NARS1: variants seen among roughly 807,000 people sequenced by gnomAD.
NARS1 encodes asparagine--tRNA ligase, cytoplasmic.
A neutral mutation model predicts 79.2 loss-of-function variants in NARS1; 65 were observed. The ratio of observed to expected loss-of-function variants is 0.82; its 90% CI spans 0.67 to 1.01. NARS1 has a LOEUF of 1.01. Ranked by LOEUF, NARS1 falls within the 50% of genes least tolerant of loss-of-function variation. NARS1 has a pLI of 0.00. For synonymous variants in NARS1, 229 were observed against 238.8 expected (o/e 0.96, Z 0.38); for missense variants, 649 against 673.8 (o/e 0.96, Z 0.41).
At position 57,616,870 on chromosome 18, in the gene NARS1, C is replaced by T. The variant is rs1408836994; in HGVS notation, c.94-895G>A. Among the ~76,000 whole-genome samples, 7 of 129,568 alleles carry T rather than the reference C, an allele frequency of 5.4e-5. No individual in the cohort carries two copies. In the South Asian group the frequency reaches 1.1e-3, roughly 20 times the overall value. 85.0% of individuals were successfully genotyped at this position (129,568 alleles called of 152,430 possible). On this transcript the variant is annotated intron_variant, in intron 2 of 13. Transcript: ENST00000256854. ...ACAAAAAATTAGCCGGGTGTGGTGG[C>T]GGGCGCCTGTAGAGCTTGCAGTGAG...
chr18:57,604,515 C>CT (rs2051537837), intron 11 of NARS1, among the ~76,000 whole-genome samples: 1 of 152,200 alleles, frequency 6.6e-6, no homozygotes, highest in Non-Finnish European at 1.5e-5. Context: ...CATCTACACA[C>CT]ATTTCAACTG....
Position 57,601,607 on chromosome 18 carries a change from C to T in NARS1, c.*45G>A, listed in dbSNP as rs367826619. ...GCTTTTTGTTTTCTTTTTTAAAGAGCCTGTTCCTTTCATAATCTTTCCTCC... is the reference window on the plus strand; with the variant it reads ...GCTTTTTGTTTTCTTTTTTAAAGAGTCTGTTCCTTTCATAATCTTTCCTCC... On this transcript the variant is annotated 3_prime_UTR_variant, in exon 14 of 14. Transcript: ENST00000256854. 1.4e-5 allele frequency: 23 copies of T among 1,590,484 alleles called. No homozygotes were observed. The highest frequency in any genetic ancestry group is 6.8e-5 in the African/African-American group (5 of 73,998).
intron 11 of NARS1, among the ~76,000 whole-genome samples, chr18:57,605,148 T>A (rs2051543151): frequency 6.8e-6 from 1 of 146,152 alleles, no homozygotes. Flanking sequence ...TATATATATA[T>A]ATATATCTAT....
At position 57,602,428 on chromosome 18, in the gene NARS1, T is replaced by C. The variant is rs1225206982; in HGVS notation, c.1442A>G (p.Asp481Gly). 5.0e-6 allele frequency: 8 copies of C among 1,613,772 alleles called. No individual in the cohort carries two copies. The East Asian group carries it at 1.8e-4, about 36-fold the overall frequency. Residue 481 changes from aspartate (D) to glycine (G), a missense_variant, in exon 13 of 14, where the codon GAT becomes GGT. Physicochemically the swap from Asp to Gly is moderately conservative, Grantham distance 94. Transcript: ENST00000256854. ...EIVGGSMRIF[D>G]SEEILAGYKR... ...ATAACCTGCCAGTATTTCTTCACTA[T>C]CAAAGATACGCATTGAGCCTCCCAC...
chr18:57,607,175 T>C lies in NARS1; in HGVS notation c.960A>G (p.Ser320=), dbSNP rs1310325488. 1.2e-6 allele frequency: 2 copies of C among 1,614,186 alleles called. No individual in the cohort carries two copies. The highest frequency in any genetic ancestry group is 1.7e-6 in the Non-Finnish European group (2 of 1,180,034). ...ALGDVFCIAQ[S]YRAEQSRTRR... is the part of the protein sequence containing the mutation. ...GTGTTCTGGACTGCTCTGCCCGGTATGACTGAGCAATACAAAAAACATCTC... is the reference window on the plus strand; with the variant it reads ...GTGTTCTGGACTGCTCTGCCCGGTACGACTGAGCAATACAAAAAACATCTC... The change falls in exon 9 of 14, where the codon TCA becomes TCG. Residue 320 remains serine (S), a synonymous_variant. Transcript: ENST00000256854.
chr18:57,615,907 C>A lies in NARS1; in HGVS notation c.162G>T (p.Arg54Ser). The A allele has an allele frequency of 6.2e-7, 1 of 1,613,368 alleles. No individual in the cohort carries two copies. The highest frequency in any genetic ancestry group is 8.5e-7 in the Non-Finnish European group (1 of 1,179,570). Residue 54 changes from arginine (R) to serine (S), a missense_variant, in exon 3 of 14, where the codon AGG (arginine) becomes AGT (serine). Physicochemically the swap from Arg to Ser is moderately radical, Grantham distance 110. Coordinates refer to ENST00000256854, the MANE Select transcript of NARS1 (RefSeq NM_004539.4). ...ACTGTGATTTAGAAATAACATTCCA[C>A]CTCTCATTTTCTTTTTGTGAATCTA... ...IYVDSQKENE[R>S]WNVISKSQLK...
chr18:57,612,486 A>G (rs1343240834), intron 5 of NARS1, among the ~76,000 whole-genome samples: 1 of 151,904 alleles, frequency 6.6e-6, no homozygotes, highest in Non-Finnish European at 1.5e-5. Flanking sequence ...CCCAGGCTAG[A>G]GTGCAATGGC....
intron 10 of NARS1, 45 bp from the exon 11 acceptor site, chr18:57,606,015 T>C (rs2051553415): frequency 4.9e-6 from 6 of 1,215,952 alleles, no homozygotes; most frequent in South Asian, 1.4e-5. Context: ...TACATAAATA[T>C]AAACATTAAC....
Position 57,611,623 on chromosome 18 carries a change from G to A in NARS1, c.492+14C>T. The A allele has an allele frequency of 2.6e-6, 4 of 1,550,430 alleles. No homozygotes were observed. Among genetic ancestry groups the A allele is most frequent in the Non-Finnish European group, 2.6e-6 (3 of 1,135,840 alleles). On this transcript the variant is annotated intron_variant, in intron 6 of 13. Coordinates refer to ENST00000256854, the MANE Select transcript of NARS1 (RefSeq NM_004539.4). ...ACATCTAATTTTCAGGCATAAATAA[G>A]AGAAAATATTTACCAACTCATCCGC...
In NARS1 at chr18:57,602,431, A is replaced by G; in HGVS notation, c.1439T>C (p.Phe480Ser). The G allele has an allele frequency of 6.2e-7, 1 of 1,613,918 alleles. No individual in the cohort carries two copies. Among genetic ancestry groups the G allele is most frequent in the Non-Finnish European group, 8.5e-7 (1 of 1,179,796 alleles). ...GEIVGGSMRIFDSEEILAGYK... is the reference protein window; with the variant it reads ...GEIVGGSMRISDSEEILAGYK... ...ACCTGCCAGTATTTCTTCACTATCA[A>G]AGATACGCATTGAGCCTCCCACAAT... The change falls in exon 13 of 14, where the codon TTT (phenylalanine) becomes TCT (serine). Residue 480 changes from phenylalanine (F) to serine (S), a missense_variant. Coordinates refer to ENST00000256854, the MANE Select transcript of NARS1 (RefSeq NM_004539.4).
chr18:57,607,331 A>G lies in NARS1; in HGVS notation c.804T>C (p.Val268=). 2 of 1,613,988 alleles carry G rather than the reference A, an allele frequency of 1.2e-6. No homozygotes were observed. The highest frequency in any genetic ancestry group is 1.7e-6 in the Non-Finnish European group (2 of 1,179,846). ...GTGTTTGCACTAATGTTGGAGGAGT[A>G]ACCTGTTCAAATGCAAAGAAGGAAT... ...DHFFDRGYYE[V]TPPTLVQTQV... Residue 268 remains valine, a splice_region_variant and synonymous_variant, in exon 9 of 14, where the codon GTT becomes GTC. Coordinates refer to ENST00000256854, the MANE Select transcript of NARS1 (RefSeq NM_004539.4).
chr18:57,612,759 T>C (rs1285058793), intron 5 of NARS1, among the ~76,000 whole-genome samples: 4 of 152,150 alleles, frequency 2.6e-5, no homozygotes, highest in East Asian at 3.8e-4. Context: ...AATGAAAGAT[T>C]TGCTAATCCC....
At chr18:57,619,069 A>T (rs1393153065) in intron 2 of NARS1, among the ~76,000 whole-genome samples, 1 of 152,174 alleles carries the variant, frequency 6.6e-6, no homozygotes, top group African/African-American at 2.4e-5. Context: ...GATGCACAGA[A>T]AAAGGAGTGT....
chr18:57,601,501 G>C lies in NARS1; in HGVS notation c.*151C>G. 1 of 707,612 alleles carries C rather than the reference G, an allele frequency of 1.4e-6. No individual in the cohort carries two copies. The highest frequency in any genetic ancestry group is 2.2e-6 in the Non-Finnish European group (1 of 464,298). The allele number at this position is 707,612 out of a possible 1,614,324, so 43.8% of individuals were successfully genotyped here. ...CAACCTTAATATCACTTGATGTTCA[G>C]GTGATTTGAGATAGTTTTTATGGTA... On this transcript the variant is annotated 3_prime_UTR_variant, in exon 14 of 14. Transcript: ENST00000256854.
Position 57,607,494 on chromosome 18 carries a change from T to C in NARS1, c.751A>G (p.Met251Val), listed in dbSNP as rs370057192. The part of the protein sequence containing the change: ...NMSKILKARS[M>V]VTRCFRDHFF... Reference sequence around the variant, plus strand: ...TGATCTCTAAAGCACCTGGTGACCATGGATCGTGCTTTTAGGATTTTGGAC... The same window carrying C: ...TGATCTCTAAAGCACCTGGTGACCACGGATCGTGCTTTTAGGATTTTGGAC... The change falls in exon 8 of 14, where the codon ATG becomes GTG. Residue 251 changes from methionine to valine, a missense_variant. Met to Val is a conservative substitution (Grantham distance 21). Coordinates refer to ENST00000256854, the MANE Select transcript of NARS1 (RefSeq NM_004539.4). 3.9e-5 allele frequency: 63 copies of C among 1,614,082 alleles called. No individual in the cohort carries two copies. The highest frequency in any genetic ancestry group is 1.5e-4 in the South Asian group (14 of 91,088).
chr18:57,601,203 C>T lies in NARS1; in HGVS notation c.*449G>A, dbSNP rs2051501872. Reference sequence around the variant, plus strand: ...TATACGATATTGCCAATTTCTTCCCCCAAGATTTTTGTTTTAATTCATTGA... The same window carrying T: ...TATACGATATTGCCAATTTCTTCCCTCAAGATTTTTGTTTTAATTCATTGA... On this transcript the variant is annotated 3_prime_UTR_variant, in exon 14 of 14. Coordinates refer to ENST00000256854, the MANE Select transcript of NARS1 (RefSeq NM_004539.4). 1 of 153,842 alleles carries T rather than the reference C, an allele frequency of 6.5e-6. No homozygotes were observed. The highest frequency in any genetic ancestry group is 6.4e-5 in the Admixed American group (1 of 15,574). The allele number at this position is 153,842 out of a possible 1,614,324, so 9.5% of individuals were successfully genotyped here. A position where few individuals can be genotyped will look rare whatever the true frequency, so the allele number is the denominator to read the frequency against.
chr18:57,605,522 G>A (rs1232575177), intron 11 of NARS1, among the ~76,000 whole-genome samples: 2 of 150,074 alleles, frequency 1.3e-5, no homozygotes, highest in African/African-American at 2.5e-5. Flanking sequence ...CAGGAGAATC[G>A]CTTGAATCCA....
intron 7 of NARS1, 65 bp from the exon 8 acceptor site, chr18:57,607,730 A>G: frequency 7.5e-7 from 1 of 1,337,328 alleles, no homozygotes; most frequent in Non-Finnish European, 1.0e-6. Context: ...AACAGTATTG[A>G]GGATTTTAAT....
Position 57,607,591 on chromosome 18 carries a change from G to T in NARS1, c.654C>A (p.Asn218Lys). The change falls in exon 8 of 14, where the codon AAC (asparagine) becomes AAA (lysine). Residue 218 changes from asparagine (N) to lysine (K), a missense_variant. Asn to Lys is a moderately conservative substitution (Grantham distance 94). Coordinates refer to ENST00000256854, the MANE Select transcript of NARS1 (RefSeq NM_004539.4). ...IGLAPAGGAD[N>K]LINEESDVDV... is the part of the protein sequence containing the mutation. ...CAACGTCAGACTCCTCATTGATCAG[G>T]TTGTCAGCTCCTCCAGCAGGGGCCA... is the stretch of plus-strand genomic sequence containing the variant. The T allele has an allele frequency of 6.2e-7, 1 of 1,614,128 alleles. No individual in the cohort carries two copies. Among genetic ancestry groups the T allele is most frequent in the African/African-American group, 1.3e-5 (1 of 75,026 alleles).
Sources: gnomAD v4.1 joint callset for allele counts (sites outside exome capture counted in the v4.1 genomes callset) on GRCh38, gnomAD v4.1.1 for gene constraint, MANE v1.5 for transcripts, NCBI Gene and HGNC (gene_info 2026-07-23, HGNC 2026-07-21) for gene names.